The following CACNA2D3 variants were observed in gnomAD, a reference collection of about 807,000 sequenced individuals.
CACNA2D3 encodes the protein voltage-dependent calcium channel subunit alpha-2/delta-3.
In CACNA2D3, 60 loss-of-function variants were observed where a neutral mutation model predicts 160.6. That is an observed-to-expected ratio of 0.37 (90% CI 0.30 to 0.46). CACNA2D3 has a LOEUF of 0.46. Among genes scored for constraint, CACNA2D3 ranks in the 20% least tolerant of loss-of-function variants. CACNA2D3 has a pLI of 1.00. For missense variants in CACNA2D3, 1,205 were observed against 1,365.0 expected (o/e 0.88, Z 1.85); for synonymous variants, 558 against 492.9 (o/e 1.13, Z -1.75).
chr3:54,706,288 G>A (rs754136435), intron 11 of CACNA2D3, among the ~76,000 whole-genome samples: 1 of 152,174 alleles, frequency 6.6e-6, no homozygotes, highest in Non-Finnish European at 1.5e-5. Context: ...CATTTCAATA[G>A]AAGGTTAGCC....
chr3:54,535,826 G>A (rs897054589), intron 5 of CACNA2D3, among the ~76,000 whole-genome samples: 10 of 152,164 alleles, frequency 6.6e-5, no homozygotes, highest in East Asian at 3.8e-4. Flanking sequence ...GTCACCTGTC[G>A]GGAGGCTGAA....
intron 27 of CACNA2D3, chr3:54,901,269 T>G (rs1700326280): frequency 6.6e-6 from 1 of 152,234 alleles, no homozygotes. Flanking sequence ...TGGTTGTCTG[T>G]TTGAAATTTC....
In CACNA2D3 at chr3:54,369,611, CT is replaced by C. The variant is rs569339311; in HGVS notation, c.322-17102del. ...GCTGGTCCCAGCTCTCCTCTCCACC[CT>C]TATTTTATTTGCTGCCCAGACAGGT... On this transcript the variant is annotated intron_variant, in intron 3 of 37. Coordinates refer to ENST00000474759, the MANE Select transcript of CACNA2D3 (RefSeq NM_018398.3). Among the ~76,000 whole-genome samples the C allele has an allele frequency of 9.5e-4, 144 of 152,322 alleles. 1 individual carries two copies. Among genetic ancestry groups the C allele is most frequent in the African/African-American group, 3.3e-3 (137 of 41,578 alleles).
chr3:54,335,565 TCTTTACTGCCAC>T (rs1368801784), intron 3 of CACNA2D3, among the ~76,000 whole-genome samples: 7 of 152,194 alleles, frequency 4.6e-5, no homozygotes, highest in African/African-American at 1.7e-4. Flanking sequence ...TTGGCCAGCT[TCTTTACTGCCAC>T]CTGTTTTATC....
intron 4 of CACNA2D3, among the ~76,000 whole-genome samples, chr3:54,393,966 C>G (rs1051565069): frequency 3.9e-5 from 6 of 152,154 alleles, no homozygotes; most frequent in African/African-American, 1.4e-4. Flanking sequence ...TTTTGGGTAC[C>G]TTGTTGCTGC....
intron 27 of CACNA2D3, among the ~76,000 whole-genome samples, chr3:54,941,656 G>A (rs1484322050): frequency 1.3e-5 from 2 of 152,178 alleles, no homozygotes; most frequent in African/African-American, 4.8e-5. Flanking sequence ...TTAATGGTTT[G>A]TGGGATGTTA....
intron 31 of CACNA2D3, among the ~76,000 whole-genome samples, chr3:54,989,831 C>T (rs1369413043): frequency 1.3e-5 from 2 of 152,178 alleles, no homozygotes; most frequent in African/African-American, 2.4e-5. Flanking sequence ...TACATTTACA[C>T]GTCTCCCTAC....
In CACNA2D3 at chr3:54,445,782, G is replaced by A. The variant is rs145219349; in HGVS notation, c.382-57710G>A. On this transcript the variant is annotated intron_variant, in intron 4 of 37. Coordinates refer to ENST00000474759, the MANE Select transcript of CACNA2D3 (RefSeq NM_018398.3). ...AGAAAGGATCCATCCAACAAAAACA[G>A]AAAGGAGGGGATGGGCCAGCAGTTC... 2.8e-3 allele frequency among the ~76,000 whole-genome samples: 423 copies of A among 152,248 alleles called. 1 individual carries two copies. Among genetic ancestry groups the A allele is most frequent in the African/African-American group, 9.8e-3 (408 of 41,548 alleles).
chr3:54,161,488 A>G (rs1457660658), intron 2 of CACNA2D3, among the ~76,000 whole-genome samples: 1 of 152,230 alleles, frequency 6.6e-6, no homozygotes, highest in Non-Finnish European at 1.5e-5. Context: ...CTTTAGCGTC[A>G]CAGTTAGCCC....
At chr3:55,039,355 T>C (rs551166983) in intron 35 of CACNA2D3, among the ~76,000 whole-genome samples, 1 of 152,224 alleles carries the variant, frequency 6.6e-6, no homozygotes, top group South Asian at 2.1e-4. Flanking sequence ...TCAGAAAAAT[T>C]CTGATTTGAT....
intron 11 of CACNA2D3, among the ~76,000 whole-genome samples, chr3:54,700,945 C>T (rs1338929549): frequency 1.3e-5 from 2 of 152,202 alleles, no homozygotes; most frequent in Admixed American, 6.5e-5. Flanking sequence ...TGAACCACCT[C>T]CCTCTGAGAG....
intron 11 of CACNA2D3, among the ~76,000 whole-genome samples, chr3:54,714,877 T>C (rs186675226): frequency 2.6e-5 from 4 of 152,356 alleles, no homozygotes; most frequent in Non-Finnish European, 5.9e-5. Flanking sequence ...TTTAGTGATA[T>C]AGGAAAATCC....
intron 4 of CACNA2D3, among the ~76,000 whole-genome samples, chr3:54,423,849 C>A (rs1454867130): frequency 1.3e-5 from 2 of 151,958 alleles, no homozygotes; most frequent in African/African-American, 4.8e-5. Context: ...CAGGAGGGTG[C>A]CATGCTGGGT....
chr3:54,355,148 A>G (rs1298960964), intron 3 of CACNA2D3, among the ~76,000 whole-genome samples: 3 of 152,204 alleles, frequency 2.0e-5, no homozygotes, highest in African/African-American at 7.2e-5. Flanking sequence ...GATCAGGGGC[A>G]GTCTCTCTGC....
At chr3:54,889,284 G>T (rs145393306) in intron 24 of CACNA2D3, among the ~76,000 whole-genome samples, 2,534 of 152,276 alleles carry the variant, frequency 0.017, 81 homozygotes, top group African/African-American at 0.057. Flanking sequence ...AAAATGATCA[G>T]ATTTTCATTT....
At chr3:54,844,081 A>G (rs1698880100) in intron 16 of CACNA2D3, among the ~76,000 whole-genome samples, 2 of 152,114 alleles carry the variant, frequency 1.3e-5, no homozygotes. Flanking sequence ...GAGGAGAGCT[A>G]AGGCAGACAG....
intron 13 of CACNA2D3, among the ~76,000 whole-genome samples, chr3:54,811,712 G>C (rs1421806654): frequency 2.0e-5 from 3 of 151,938 alleles, no homozygotes; most frequent in African/African-American, 4.8e-5. Context: ...TGTTGGCCAT[G>C]CTGGTCTCGA....
chr3:54,351,230 C>T (rs770739680), intron 3 of CACNA2D3, among the ~76,000 whole-genome samples: 4 of 151,864 alleles, frequency 2.6e-5, no homozygotes, highest in Admixed American at 1.3e-4. Context: ...GATCTGCCTG[C>T]GTTAGCCTTC....
At chr3:54,789,586 A>G (rs1463714000) in intron 13 of CACNA2D3, among the ~76,000 whole-genome samples, 2 of 152,180 alleles carry the variant, frequency 1.3e-5, no homozygotes, top group East Asian at 3.8e-4. Flanking sequence ...GCTATTTCCA[A>G]AATCAAACTG....
Sources: gnomAD v4.1 joint callset for allele counts (sites outside exome capture counted in the v4.1 genomes callset) on GRCh38, gnomAD v4.1.1 for gene constraint, MANE v1.5 for transcripts, NCBI Gene and HGNC (gene_info 2026-07-23, HGNC 2026-07-21) for gene names.